SLC71A1: variants seen among roughly 807,000 people sequenced by gnomAD.
SLC71A1 encodes solute carrier family 71 member 1, also known as hippocampus abundant gene transcript 1.
the SLC71A1 span, among the ~76,000 whole-genome samples, chr1:100,048,767 G>A: frequency 6.6e-6 from 1 of 152,104 alleles, no homozygotes; most frequent in Non-Finnish European, 1.5e-5. Flanking sequence ...ATCTACTCTG[G>A]TGGTTTCAGA....
At chr1:100,057,570 G>C in the SLC71A1 span, among the ~76,000 whole-genome samples, 1 of 152,094 alleles carries the variant, frequency 6.6e-6, no homozygotes, top group East Asian at 1.9e-4. Flanking sequence ...GGCCAGGCTG[G>C]TCTTGAACTC....
chr1:100,066,304 G>T, the SLC71A1 span, among the ~76,000 whole-genome samples: 1 of 152,156 alleles, frequency 6.6e-6, no homozygotes, highest in Non-Finnish European at 1.5e-5. Flanking sequence ...TATGTATCAA[G>T]ATAAACGTTC....
the SLC71A1 span, chr1:100,083,337 T>G: frequency 6.6e-6 from 1 of 152,644 alleles, no homozygotes; most frequent in South Asian, 2.1e-4. Context: ...AAATATTCTG[T>G]TAATAAAGTT....
chr1:100,050,185 A>AG, the SLC71A1 span, among the ~76,000 whole-genome samples: 3 of 151,016 alleles, frequency 2.0e-5, no homozygotes, highest in East Asian at 1.9e-4. Flanking sequence ...TTTTTTTGGG[A>AG]GGGGGGTGGC....
the SLC71A1 span, chr1:100,077,063 A>G: frequency 1.5e-5 from 9 of 619,034 alleles, no homozygotes; most frequent in Admixed American, 1.3e-4. Context: ...GCTGAAAATC[A>G]GCCAAATTGT....
At chr1:100,067,863 A>G in the SLC71A1 span, 2 of 802,670 alleles carry the variant, frequency 2.5e-6, no homozygotes, top group East Asian at 2.5e-5. Context: ...AGGAAGAGAA[A>G]AGGGAGGGTG....
the SLC71A1 span, among the ~76,000 whole-genome samples, chr1:100,050,500 C>G: frequency 8.8e-3 from 1,346 of 152,206 alleles, 10 homozygotes; most frequent in Middle Eastern, 0.054. Context: ...CCAAACAACT[C>G]AGAAGATAGC....
chr1:100,047,333 GAAATGATGT>G, the SLC71A1 span, among the ~76,000 whole-genome samples: 1 of 152,014 alleles, frequency 6.6e-6, no homozygotes, highest in Admixed American at 6.5e-5. Context: ...TCATTCTTTT[GAAATGATGT>G]ATCACCTTGA....
At chr1:100,062,028 C>A in the SLC71A1 span, 3 of 790,458 alleles carry the variant, frequency 3.8e-6, no homozygotes, top group Non-Finnish European at 2.1e-6. Flanking sequence ...ATAAGGAGTG[C>A]AAACCTTTGC....
At chr1:100,054,332 C>A in the SLC71A1 span, among the ~76,000 whole-genome samples, 7,298 of 152,118 alleles carry the variant, frequency 0.048, 203 homozygotes, top group African/African-American at 0.066. Flanking sequence ...TCTGCCTCAG[C>A]CTCCCAAGTA....
At chr1:100,055,937 G>A in the SLC71A1 span, among the ~76,000 whole-genome samples, 1 of 152,022 alleles carries the variant, frequency 6.6e-6, no homozygotes, top group Non-Finnish European at 1.5e-5. Context: ...ATTTTTAGTA[G>A]AGATGGGGTT....
At chr1:100,059,144 G>GTT in the SLC71A1 span, among the ~76,000 whole-genome samples, 375 of 75,424 alleles carry the variant, frequency 5.0e-3, 55 homozygotes, top group African/African-American at 0.011. Context: ...TCTTTTTCGT[G>GTT]TTTTTTTTTT....
At chr1:100,060,768 CAGG>C in the SLC71A1 span, among the ~76,000 whole-genome samples, 1 of 151,150 alleles carries the variant, frequency 6.6e-6, no homozygotes, top group Non-Finnish European at 1.5e-5. Flanking sequence ...TTTTTCCACT[CAGG>C]AGGCAAGGGA....
chr1:100,075,930 A>C, the SLC71A1 span, among the ~76,000 whole-genome samples: 1 of 152,134 alleles, frequency 6.6e-6, no homozygotes, highest in African/African-American at 2.4e-5. Flanking sequence ...CTTCCATCTC[A>C]GTTCCCCAAA....
the SLC71A1 span, among the ~76,000 whole-genome samples, chr1:100,048,629 C>A: frequency 1.1e-4 from 16 of 152,266 alleles, no homozygotes; most frequent in African/African-American, 3.6e-4. Context: ...CTTTTATCTT[C>A]CTCTTTTCTT....
chr1:100,080,712 GGCTACTGGTTTTTGGTCATGAAA>G, the SLC71A1 span: 1 of 1,495,324 alleles, frequency 6.7e-7, no homozygotes, highest in Non-Finnish European at 9.1e-7. Flanking sequence ...CTAGATTAAA[GGCTACTGGTTTTTGGTCATGAAA>G]GCTTTTATGT....
chr1:100,076,786 G>T, the SLC71A1 span, among the ~76,000 whole-genome samples: 1 of 152,160 alleles, frequency 6.6e-6, no homozygotes, highest in Non-Finnish European at 1.5e-5. Context: ...TTTTTCTTTA[G>T]TTGTGGAAAT....
At chr1:100,053,045 G>A in the SLC71A1 span, among the ~76,000 whole-genome samples, 3 of 151,956 alleles carry the variant, frequency 2.0e-5, no homozygotes, top group African/African-American at 7.3e-5. Flanking sequence ...CGGCCTCCCA[G>A]AGTGTTGGGA....
chr1:100,074,585 GA>G, the SLC71A1 span, among the ~76,000 whole-genome samples: 1 of 150,420 alleles, frequency 6.6e-6, no homozygotes, highest in East Asian at 2.0e-4. Context: ...ATCTCGGGGG[GA>G]AAAAGAAAGG....
Sources: gnomAD v4.1 joint callset for allele counts (sites outside exome capture counted in the v4.1 genomes callset) on GRCh38, gnomAD v4.1.1 for gene constraint, MANE v1.5 for transcripts, NCBI Gene and HGNC (gene_info 2026-07-23, HGNC 2026-07-21) for gene names.